Variants in ARHGAP21 observed in about 807,000 individuals in gnomAD.
ARHGAP21 encodes Rho GTPase activating protein 21.
Under a neutral mutation model 164.6 loss-of-function variants are expected in ARHGAP21, and 38 were observed. The ratio of observed to expected loss-of-function variants is 0.23; its 90% confidence interval spans 0.18 to 0.30. ARHGAP21 has a LOEUF of 0.30. Ranked by LOEUF, ARHGAP21 falls within the 10% of genes least tolerant of loss-of-function variation. ARHGAP21 has a pLI of 1.00. For synonymous variants in ARHGAP21, 766 were observed against 857.9 expected, an observed-to-expected ratio of 0.89 and a Z score of 1.87; for missense variants, 1,822 against 2,370.7, an observed-to-expected ratio of 0.77 and a Z score of 4.81.
chr10:24,591,481 C>A, intron 23 of ARHGAP21, 151 bp from the exon 24 acceptor site: 1 of 1,115,396 alleles, frequency 9.0e-7, no homozygotes, highest in Non-Finnish European at 1.3e-6. Context: ...GCAAAATAAG[C>A]ACCGTACTTG....
Position 24,597,427 on chromosome 10 carries a change from T to C in ARHGAP21, c.3334+20A>G, listed in dbSNP as rs1564973654. On this transcript the variant is annotated intron_variant, in intron 16 of 25. Coordinates refer to ENST00000396432, the MANE Select transcript of ARHGAP21 (RefSeq NM_020824.4). ...ATTTTAAATCATTATATTTATTTGTTAGAAAGCTAACATCAATACCTTTAC... is the reference window on the plus strand; with the variant it reads ...ATTTTAAATCATTATATTTATTTGTCAGAAAGCTAACATCAATACCTTTAC... The C allele has an allele frequency of 5.0e-6, 8 of 1,601,932 alleles. No homozygotes were observed. Among genetic ancestry groups the C allele is most frequent in the Non-Finnish European group, 6.8e-6 (8 of 1,176,648 alleles).
chr10:24,633,391 A>C lies in ARHGAP21; in HGVS notation c.440+11T>G. ...ACCCATCTTTGGGTTTTAATGTTTT[A>C]AGACTCTTACCTGTTTTGAATTAAA... On this transcript the variant is annotated intron_variant, in intron 6 of 25. Coordinates refer to ENST00000396432, the MANE Select transcript of ARHGAP21 (RefSeq NM_020824.4). 1 of 1,584,126 alleles carries C rather than the reference A, an allele frequency of 6.3e-7. No individual in the cohort carries two copies. Among genetic ancestry groups the C allele is most frequent in the South Asian group, 1.1e-5 (1 of 89,820 alleles).
chr10:24,593,172 T>C (rs73606515), intron 21 of ARHGAP21, among the ~76,000 whole-genome samples: 5,590 of 152,254 alleles, frequency 0.037, 322 homozygotes, highest in African/African-American at 0.12. Context: ...ACTAGTAGTG[T>C]AGCACACATA....
At chr10:24,614,433 A>C (rs1486923319) in intron 9 of ARHGAP21, among the ~76,000 whole-genome samples, 2 of 152,210 alleles carry the variant, frequency 1.3e-5, no homozygotes, top group Admixed American at 1.3e-4. Context: ...TCTATTTTCA[A>C]CATTAAAGGA....
chr10:24,592,698 G>A (rs937155748), intron 21 of ARHGAP21, among the ~76,000 whole-genome samples: 7 of 150,860 alleles, frequency 4.6e-5, no homozygotes, highest in African/African-American at 7.4e-5. Context: ...GGAGGAGGTC[G>A]AGGTTGCAGC....
At chr10:24,666,641 A>G (rs181022225) in intron 4 of ARHGAP21, among the ~76,000 whole-genome samples, 162 of 152,316 alleles carry the variant, frequency 1.1e-3, no homozygotes, top group African/African-American at 3.1e-3. Context: ...CAATTGATAA[A>G]ACACACAGCA....
chr10:24,692,843 A>T (rs1842859454), intron 2 of ARHGAP21, among the ~76,000 whole-genome samples: 3 of 151,746 alleles, frequency 2.0e-5, no homozygotes, highest in African/African-American at 4.8e-5. Context: ...AATAAAAAAA[A>T]TAAAAAAATT....
At chr10:24,693,554 T>C (rs1053390114) in intron 2 of ARHGAP21, among the ~76,000 whole-genome samples, 2 of 152,166 alleles carry the variant, frequency 1.3e-5, no homozygotes, top group Admixed American at 6.5e-5. Flanking sequence ...GGTTTCACCA[T>C]GTTGACCAGG....
chr10:24,677,161 A>C (rs1189085584), intron 2 of ARHGAP21, among the ~76,000 whole-genome samples: 1 of 152,196 alleles, frequency 6.6e-6, no homozygotes, highest in Non-Finnish European at 1.5e-5. Flanking sequence ...CGGAGGTTGC[A>C]GTGAGCCAAG....
chr10:24,628,394 G>A (rs934621866), intron 7 of ARHGAP21, among the ~76,000 whole-genome samples: 1 of 151,600 alleles, frequency 6.6e-6, no homozygotes. Flanking sequence ...ACATGTCAGT[G>A]AATGACTCTT....
chr10:24,611,830 C>A (rs1565009501), intron 9 of ARHGAP21, among the ~76,000 whole-genome samples: 1 of 152,160 alleles, frequency 6.6e-6, no homozygotes, highest in Admixed American at 6.5e-5. Context: ...TCCCTGTGAG[C>A]TAACATTACT....
At chr10:24,680,941 T>A (rs1008931838) in intron 2 of ARHGAP21, among the ~76,000 whole-genome samples, 2 of 152,218 alleles carry the variant, frequency 1.3e-5, no homozygotes, top group African/African-American at 4.8e-5. Context: ...GACTAAGAAC[T>A]GTCATTTGAC....
intron 9 of ARHGAP21, among the ~76,000 whole-genome samples, chr10:24,615,685 A>G (rs889221998): frequency 2.0e-5 from 3 of 152,224 alleles, no homozygotes; most frequent in African/African-American, 7.2e-5. Flanking sequence ...ATTCTGCCAT[A>G]AATTCCCCAC....
chr10:24,690,049 T>C (rs1842629682), intron 2 of ARHGAP21, among the ~76,000 whole-genome samples: 1 of 151,816 alleles, frequency 6.6e-6, no homozygotes, highest in Non-Finnish European at 1.5e-5. Context: ...TGTAAGTCTT[T>C]CCATATCAAT....
At chr10:24,608,571 T>C (rs546470147) in intron 9 of ARHGAP21, among the ~76,000 whole-genome samples, 2 of 152,318 alleles carry the variant, frequency 1.3e-5, no homozygotes, top group Admixed American at 1.3e-4. Flanking sequence ...AAGAATATAC[T>C]ACAATGATAA....
At chr10:24,687,579 A>G (rs1842335607) in intron 2 of ARHGAP21, among the ~76,000 whole-genome samples, 1 of 152,244 alleles carries the variant, frequency 6.6e-6, no homozygotes, top group Non-Finnish European at 1.5e-5. Context: ...ATTTTCTTGT[A>G]AAGAAGTTTT....
rs145002570 is a variant in ARHGAP21, at chr10:24,664,328, A to G, written c.268+2657T>C. On this transcript the variant is annotated intron_variant, in intron 4 of 25. Transcript: ENST00000396432. ...TCCCAGCATTTTGGGAGGCCGAGGCAGGCGGATCATGAGGTCAAGAGACAG... is the reference window on the plus strand; with the variant it reads ...TCCCAGCATTTTGGGAGGCCGAGGCGGGCGGATCATGAGGTCAAGAGACAG... Among the ~76,000 whole-genome samples, 231 of 152,138 alleles carry G rather than the reference A, an allele frequency of 1.5e-3. 5 individuals carry two copies. In the East Asian group the frequency reaches 0.038, roughly 25 times the overall value.
intron 4 of ARHGAP21, among the ~76,000 whole-genome samples, chr10:24,658,773 C>G (rs1319160960): frequency 4.0e-5 from 6 of 150,232 alleles, no homozygotes; most frequent in African/African-American, 1.5e-4. Flanking sequence ...CACATGTATA[C>G]ATATGTAAAA....
intron 25 of ARHGAP21, among the ~76,000 whole-genome samples, chr10:24,588,081 CAAAG>C (rs2076180004): frequency 1.3e-5 from 2 of 152,086 alleles, no homozygotes; most frequent in South Asian, 4.2e-4. Context: ...AGAGATTTGA[CAAAG>C]AAATGCAAGG....
Sources: allele counts gnomAD v4.1 joint callset (sites outside exome capture counted in the v4.1 genomes callset), GRCh38; gene constraint gnomAD v4.1.1; transcripts MANE v1.5; gene names NCBI Gene and HGNC (gene_info 2026-07-23, HGNC 2026-07-21).